Variants in RAD52 observed in about 807,000 individuals in gnomAD.
RAD52 encodes RAD52 DNA repair protein.
RAD52 carries 47 observed loss-of-function variants against 55.5 expected under a neutral mutation model. The ratio of observed to expected loss-of-function variants is 0.85; its 90% CI spans 0.67 to 1.08. The LOEUF is 1.08. Among genes scored for constraint, RAD52 ranks in the 50% least tolerant of loss-of-function variants. The pLI is 0.00. For synonymous variants in RAD52, 184 were observed against 198.9 expected (o/e 0.92, Z 0.63); for missense variants, 468 against 522.8 (o/e 0.90, Z 1.02).
At chr12:989,458 C>A (rs899991348) in intron 1 of RAD52, among the ~76,000 whole-genome samples, 1 of 152,150 alleles carries the variant, frequency 6.6e-6, no homozygotes, top group Non-Finnish European at 1.5e-5. Context: ...ACAGTAAATA[C>A]ATGTGCTCGG....
upstream of RAD52, among the ~76,000 whole-genome samples, chr12:953,603 T>A (rs1243110969): frequency 6.6e-6 from 1 of 152,202 alleles, no homozygotes; most frequent in African/African-American, 2.4e-5. Flanking sequence ...CTTCATAACA[T>A]GGCCGTGCCA....
chr12:973,728 C>T (rs1958899105), intron 1 of RAD52, among the ~76,000 whole-genome samples: 1 of 151,472 alleles, frequency 6.6e-6, no homozygotes, highest in South Asian at 2.1e-4. Context: ...ATCTGCCCGC[C>T]TCGGCCTCCC....
chr12:978,768 AG>A (rs1958969195), intron 1 of RAD52, among the ~76,000 whole-genome samples: 1 of 152,084 alleles, frequency 6.6e-6, no homozygotes, highest in African/African-American at 2.4e-5. Context: ...ACTACTCGGG[AG>A]GCTGAGGCAG....
chr12:968,144 C>T (rs561355859), intron 1 of RAD52, among the ~76,000 whole-genome samples: 3 of 151,988 alleles, frequency 2.0e-5, no homozygotes, highest in Non-Finnish European at 4.4e-5. Context: ...AAAGCAAGTA[C>T]AAAACTGACA....
chr12:959,838 G>A lies in RAD52; in HGVS notation c.-18-26762C>T, dbSNP rs117549294. On this transcript the variant is annotated intron_variant, in intron 1 of 11. Transcript: ENST00000430095. Reference sequence around the variant, plus strand: ...TGGTTGCTGGCTTCTGGGTGGTTAAGCTGAAGTTTCACCCTTTACATGGGC... The same window carrying A: ...TGGTTGCTGGCTTCTGGGTGGTTAAACTGAAGTTTCACCCTTTACATGGGC... Among the ~76,000 whole-genome samples the A allele has an allele frequency of 1.4e-3, 215 of 152,326 alleles. 1 individual carries two copies. Among genetic ancestry groups the A allele is most frequent in the Non-Finnish European group, 2.6e-3 (174 of 68,022 alleles).
chr12:974,612 A>T (rs1226614207), intron 1 of RAD52: 1 of 152,196 alleles, frequency 6.6e-6, no homozygotes, highest in Non-Finnish European at 1.5e-5. Context: ...CACTGAGGCC[A>T]CTGTAAATCA....
In RAD52 at chr12:913,193, T is replaced by A; in HGVS notation, c.*198A>T. On this transcript the variant is annotated 3_prime_UTR_variant, in exon 12 of 12. Coordinates refer to ENST00000358495, the MANE Select transcript of RAD52 (RefSeq NM_134424.4). The stretch of plus-strand genomic sequence containing the variant: ...TGTCCAGAGCCTCTCCCTACTAGAG[T>A]GATGGACAAGCTTTTCAAAAGTGCT... 5 of 587,392 alleles carry A rather than the reference T, an allele frequency of 8.5e-6. No individual in the cohort carries two copies. The highest frequency in any genetic ancestry group is 2.8e-5 in the East Asian group (1 of 35,312). 36.4% of individuals were successfully genotyped at this position (587,392 alleles called of 1,614,324 possible). A position where few individuals can be genotyped will look rare whatever the true frequency, so the allele number is the denominator to read the frequency against.
chr12:916,055 C>CA (rs962378346), intron 9 of RAD52, among the ~76,000 whole-genome samples: 1 of 151,120 alleles, frequency 6.6e-6, no homozygotes, highest in Non-Finnish European at 1.5e-5. Flanking sequence ...GCATTCGAAG[C>CA]AAAAAAAAGT....
intron 1 of RAD52, among the ~76,000 whole-genome samples, chr12:982,682 G>C (rs975616798): frequency 2.8e-5 from 4 of 140,682 alleles, no homozygotes; most frequent in South Asian, 2.3e-4. Flanking sequence ...TTTTTGGCGG[G>C]GGGGACAGGG....
chr12:925,189 ATCCACCTGCC>A lies in RAD52; in HGVS notation c.543+251_543+260del, dbSNP rs545476222. ...ATGGTCTCGATCTCCTGACCTTGTGATCCACCTGCCTCCACCTCCCAAAGTGCTGGGATTC... is the reference window on the plus strand; with the variant it reads ...ATGGTCTCGATCTCCTGACCTTGTGATCCACCTCCCAAAGTGCTGGGATTC... On this transcript the variant is annotated intron_variant, in intron 7 of 11. Transcript: ENST00000358495. 7.3e-4 allele frequency among the ~76,000 whole-genome samples: 111 copies of A among 152,180 alleles called. 2 individuals carry two copies. Among genetic ancestry groups the A allele is most frequent in the Middle Eastern group, 3.4e-3 (1 of 294 alleles).
chr12:969,444 T>TTA (rs1220982342), intron 1 of RAD52, among the ~76,000 whole-genome samples: 3 of 151,974 alleles, frequency 2.0e-5, no homozygotes, highest in Non-Finnish European at 2.9e-5. Context: ...ACTTATTTTA[T>TTA]TATATATATA....
rs104895057 is a variant in RAD52, at chr12:912,938, G to A, written c.*453C>T. 184 of 202,824 alleles carry A rather than the reference G, an allele frequency of 9.1e-4. 2 individuals are homozygous for A. The highest frequency in any genetic ancestry group is 3.9e-4 in the Non-Finnish European group (39 of 99,154). The allele number at this position is 202,824 out of a possible 1,614,324, so 12.6% of individuals were successfully genotyped here. On this transcript the variant is annotated 3_prime_UTR_variant, in exon 12 of 12. Coordinates refer to ENST00000358495, the MANE Select transcript of RAD52 (RefSeq NM_134424.4). ...CCTTTTTCCTGTCGTGATCCACAGT[G>A]CTTAATGTGGGCAACATTAAAGGCA... is the stretch of plus-strand genomic sequence containing the variant.
At chr12:936,161 A>T (rs1268465928) in intron 1 of RAD52, among the ~76,000 whole-genome samples, 1 of 151,208 alleles carries the variant, frequency 6.6e-6, no homozygotes, top group Non-Finnish European at 1.5e-5. Flanking sequence ...AAACTTAGCC[A>T]GATGCAGTGG....
intron 1 of RAD52, among the ~76,000 whole-genome samples, chr12:934,109 A>C (rs1957483617): frequency 6.6e-6 from 1 of 151,046 alleles, no homozygotes; most frequent in Admixed American, 6.6e-5. Context: ...GTCTCAAAAA[A>C]AAAAAAAAAC....
intron 1 of RAD52, among the ~76,000 whole-genome samples, chr12:973,548 G>C (rs1453459362): frequency 6.6e-6 from 1 of 151,362 alleles, no homozygotes; most frequent in Non-Finnish European, 1.5e-5. Context: ...TGTGATCTTG[G>C]CTCACTGCAA....
intron 9 of RAD52, chr12:916,141 T>C (rs368362100): frequency 1.2e-5 from 15 of 1,277,904 alleles, no homozygotes; most frequent in East Asian, 6.1e-5. Context: ...AAAGAAATCA[T>C]TGTCTTTAGA....
chr12:979,966 G>A (rs1461871112), intron 1 of RAD52, among the ~76,000 whole-genome samples: 1 of 152,108 alleles, frequency 6.6e-6, no homozygotes, highest in Non-Finnish European at 1.5e-5. Flanking sequence ...AGAATGGCAT[G>A]AACCTGGGAG....
At chr12:927,360 C>A (rs1957094756) in intron 5 of RAD52, 97 bp from the exon 6 acceptor site, 2 of 905,188 alleles carry the variant, frequency 2.2e-6, no homozygotes, top group Admixed American at 3.7e-5. Flanking sequence ...GCCGGACTCT[C>A]CCACCTGGCG....
chr12:913,601 G>C (rs1427981656), intron 11 of RAD52, 149 bp from the exon 12 acceptor site: 1 of 757,154 alleles, frequency 1.3e-6, no homozygotes, highest in African/African-American at 1.7e-5. Flanking sequence ...GATTCTCCTA[G>C]ACCAAGTGGC....
Sources: gnomAD v4.1 joint callset for allele counts (sites outside exome capture counted in the v4.1 genomes callset) on GRCh38, gnomAD v4.1.1 for gene constraint, MANE v1.5 for transcripts, NCBI Gene and HGNC (gene_info 2026-07-23, HGNC 2026-07-21) for gene names.